The following CC2D2A variants were observed in gnomAD, a reference collection of about 807,000 sequenced individuals.
The protein encoded by CC2D2A is coiled-coil and C2 domain containing 2A.
A neutral mutation model predicts 212.9 loss-of-function variants in CC2D2A; 155 were observed. The observed-to-expected ratio is 0.73, with a 90% CI of 0.64 to 0.83. The LOEUF (loss-of-function observed/expected upper bound fraction) is 0.83, where lower values mean the gene tolerates loss of function less well. Ranked by LOEUF, CC2D2A falls within the 40% of genes least tolerant of loss-of-function variation. The pLI, the probability that CC2D2A is intolerant of heterozygous loss-of-function variation, is 0.00. For synonymous variants in CC2D2A, 667 were observed against 686.5 expected, an observed-to-expected ratio of 0.97 and a Z score of 0.44; for missense variants, 1,856 against 1,956.2, an observed-to-expected ratio of 0.95 and a Z score of 0.97.
intron 27 of CC2D2A, among the ~76,000 whole-genome samples, chr4:15,569,801 T>C (rs1174887392): frequency 6.6e-6 from 1 of 152,228 alleles, no homozygotes; most frequent in African/African-American, 2.4e-5. Context: ...ATGCCTCTGT[T>C]CTCAAGATAC....
chr4:15,508,598 T>C (rs1716390455), intron 6 of CC2D2A, among the ~76,000 whole-genome samples: 2 of 152,208 alleles, frequency 1.3e-5, no homozygotes, highest in South Asian at 2.1e-4. Flanking sequence ...TTAGAGCCTA[T>C]GGTTTCAACT....
At chr4:15,538,638 G>T (rs1182532645) in intron 16 of CC2D2A, among the ~76,000 whole-genome samples, 1 of 152,036 alleles carries the variant, frequency 6.6e-6, no homozygotes, top group Non-Finnish European at 1.5e-5. Context: ...TTTAAGTCAG[G>T]CCATCTGAAG....
intron 16 of CC2D2A, among the ~76,000 whole-genome samples, chr4:15,540,384 A>G (rs369927889): frequency 1.3e-5 from 2 of 152,148 alleles, no homozygotes; most frequent in East Asian, 3.8e-4. Flanking sequence ...CTGTCTGAAA[A>G]TGTTGAGAAA....
chr4:15,594,892 C>T (rs1215925287), intron 33 of CC2D2A, among the ~76,000 whole-genome samples: 1 of 151,926 alleles, frequency 6.6e-6, no homozygotes, highest in Non-Finnish European at 1.5e-5. Flanking sequence ...CCTTGAAATA[C>T]TGGGCTGAAG....
chr4:15,527,144 A>T (rs1404377263), intron 11 of CC2D2A, among the ~76,000 whole-genome samples: 1 of 152,220 alleles, frequency 6.6e-6, no homozygotes, highest in Non-Finnish European at 1.5e-5. Flanking sequence ...ATTCCAAGAA[A>T]CAAGGTAGTC....
At chr4:15,527,699 T>C (rs1374485824) in intron 12 of CC2D2A, 43 bp downstream of exon 12, 3 of 1,452,314 alleles carry the variant, frequency 2.1e-6, no homozygotes, top group Non-Finnish European at 1.9e-6. Context: ...TGGAGTTGGT[T>C]CTTCCAATGA....
chr4:15,581,599 C>T (rs1280161555), intron 30 of CC2D2A, among the ~76,000 whole-genome samples: 1 of 152,150 alleles, frequency 6.6e-6, no homozygotes, highest in African/African-American at 2.4e-5. Flanking sequence ...AGGATAATAC[C>T]ATCAATGGAT....
chr4:15,574,415 C>A, intron 29 of CC2D2A, 89 bp downstream of exon 29: 1 of 985,456 alleles, frequency 1.0e-6, no homozygotes, highest in Non-Finnish European at 1.4e-6. Context: ...CTTTTTCCTA[C>A]ACAAACAGAG....
At chr4:15,569,155 A>G (rs1465384979) in intron 26 of CC2D2A, 138 bp from the exon 27 acceptor site, 2 of 617,620 alleles carry the variant, frequency 3.2e-6, no homozygotes, top group Admixed American at 2.7e-5. Context: ...GTACAAGAGA[A>G]ATCCTAGAAA....
intron 4 of CC2D2A, among the ~76,000 whole-genome samples, chr4:15,493,268 A>ACTTAC (rs200875199): frequency 6.6e-6 from 1 of 150,656 alleles, no homozygotes; most frequent in African/African-American, 2.5e-5. Flanking sequence ...TTATTTATTT[A>ACTTAC]TTTACTTACT....
At chr4:15,591,440 A>C (rs1459867835) in intron 33 of CC2D2A, among the ~76,000 whole-genome samples, 1 of 151,890 alleles carries the variant, frequency 6.6e-6, no homozygotes, top group African/African-American at 2.4e-5. Flanking sequence ...GCTGGTCTTG[A>C]GCTCCCGACC....
At position 15,493,678 on chromosome 4, in the gene CC2D2A, C is replaced by A. The variant is rs141679446; in HGVS notation, c.248-8751C>A. Among the ~76,000 whole-genome samples the A allele has an allele frequency of 3.6e-4, 55 of 152,302 alleles. 2 individuals are homozygous for A. In the Middle Eastern group the frequency reaches 0.017, roughly 47 times the overall value. On this transcript the variant is annotated intron_variant, in intron 4 of 36. Transcript: ENST00000424120. ...GTATCACCATCTGACATACTAACTA[C>A]AGAACTTATTTGTGGTCTATCTCCC...
rs1034143131 is a variant in CC2D2A at position 15,515,897 on chromosome 4, G to A, written c.910G>A (p.Val304Ile). 4 of 1,553,174 alleles carry A rather than the reference G, an allele frequency of 2.6e-6. No individual in the cohort carries two copies. Among genetic ancestry groups the A allele is most frequent in the Admixed American group, 2.0e-5 (1 of 51,062 alleles). ...TACATATAAAAAGCTTCCTGAGAAT[G>A]TACAGCCCAGGTTCCTGGAAGATGA... ...VPTYKKLPEN[V>I]QPRFLEDEGL... The change falls in exon 10 of 37, where the codon GTA becomes ATA. Residue 304 changes from valine to isoleucine, a missense_variant. Around this residue, in one of 5 missense-constraint regions of CC2D2A, gnomAD observed 1,512 missense variants for 1,579.3 expected, o/e 0.96. Transcript: ENST00000424120.
rs1305018185 is a variant in CC2D2A, at chr4:15,553,163, C to T, written c.2344C>T (p.Pro782Ser). The change falls in exon 19 of 37, where the codon CCC (proline) becomes TCC (serine). Residue 782 changes from proline (P) to serine (S), a missense_variant. Pro to Ser is a moderately conservative substitution (Grantham distance 74, BLOSUM62 -1). Transcript: ENST00000424120. ...TTAATCTGGTGTTTCCCCAGGAGTGCCCTTCTCATTTGAAGCTGATGGCAG... is the reference window on the plus strand; with the variant it reads ...TTAATCTGGTGTTTCCCCAGGAGTGTCCTTCTCATTTGAAGCTGATGGCAG... ...LDHEGVGSGVPFSFEADGSNQ... is the reference protein window; with the variant it reads ...LDHEGVGSGVSFSFEADGSNQ... 3.1e-6 allele frequency: 5 copies of T among 1,600,526 alleles called. No homozygotes were observed. Among genetic ancestry groups the T allele is most frequent in the Non-Finnish European group, 3.4e-6 (4 of 1,175,008 alleles).
intron 22 of CC2D2A, among the ~76,000 whole-genome samples, chr4:15,559,658 T>C (rs1046304909): frequency 6.4e-5 from 8 of 125,712 alleles, no homozygotes; most frequent in Admixed American, 5.9e-4. Flanking sequence ...AAACATCCTT[T>C]CGTTTGTCCT....
intron 4 of CC2D2A, among the ~76,000 whole-genome samples, chr4:15,500,192 C>CTCCTACTTG (rs1715866893): frequency 1.3e-5 from 2 of 150,948 alleles, no homozygotes; most frequent in Middle Eastern, 3.4e-3. Context: ...TCAGTTATTT[C>CTCCTACTTG]TCCTACTTGA....
chr4:15,567,123 A>T (rs1434564921), intron 24 of CC2D2A, among the ~76,000 whole-genome samples: 1 of 151,870 alleles, frequency 6.6e-6, no homozygotes, highest in Non-Finnish European at 1.5e-5. Flanking sequence ...TCTTTACTAA[A>T]AATACAAAAA....
At chr4:15,523,436 A>G (rs540309490) in intron 11 of CC2D2A, among the ~76,000 whole-genome samples, 1 of 152,230 alleles carries the variant, frequency 6.6e-6, no homozygotes, top group South Asian at 2.1e-4. Context: ...CATGATTCCA[A>G]GCTCCCGCAG....
intron 8 of CC2D2A, 136 bp downstream of exon 8, chr4:15,511,559 T>C: frequency 1.3e-6 from 1 of 749,730 alleles, no homozygotes; most frequent in Non-Finnish European, 2.0e-6. Context: ...TGAGTTGAAA[T>C]CCCAAGTACT....
Sources: gnomAD v4.1 joint callset for allele counts (sites outside exome capture counted in the v4.1 genomes callset) on GRCh38, gnomAD v4.1.1 for gene constraint, gnomAD v4.1.1 regional missense constraint, MANE v1.5 for transcripts, NCBI Gene and HGNC (gene_info 2026-07-23, HGNC 2026-07-21) for gene names.